The following CSMD1 variants were observed in gnomAD, a reference collection of about 807,000 sequenced individuals.
CSMD1 encodes CUB and sushi domain-containing protein 1.
Under a neutral mutation model 417.5 loss-of-function variants are expected in CSMD1, and 213 were observed. The ratio of observed to expected loss-of-function variants is 0.51; its 90% CI spans 0.46 to 0.57. The LOEUF is 0.57. Ranked by LOEUF, CSMD1 falls within the 20% of genes least tolerant of loss-of-function variation. CSMD1 has a pLI of 0.00. For synonymous variants in CSMD1, 2,862 were observed against 1,736.8 expected (o/e 1.65, Z -16.11); for missense variants, 6,923 against 4,529.7 (o/e 1.53, Z -15.17).
intron 3 of CSMD1, among the ~76,000 whole-genome samples, chr8:4,356,028 GT>G (rs1801410011): frequency 6.6e-6 from 1 of 152,158 alleles, no homozygotes; most frequent in South Asian, 2.1e-4. Context: ...AGTTACTGGT[GT>G]TTGGGAGATC....
At chr8:4,852,419 G>A (rs1801532490) in intron 1 of CSMD1, among the ~76,000 whole-genome samples, 1 of 152,100 alleles carries the variant, frequency 6.6e-6, no homozygotes, top group African/African-American at 2.4e-5. Flanking sequence ...GCTATGTGAT[G>A]CACTGTCTGC....
intron 2 of CSMD1, among the ~76,000 whole-genome samples, chr8:4,564,405 C>A (rs1329095230): frequency 6.6e-6 from 1 of 152,074 alleles, no homozygotes; most frequent in African/African-American, 2.4e-5. Context: ...GCTCACTGTT[C>A]TGGACAGTGG....
intron 23 of CSMD1, among the ~76,000 whole-genome samples, chr8:3,319,862 T>C (rs1418727630): frequency 6.6e-6 from 1 of 152,236 alleles, no homozygotes; most frequent in African/African-American, 2.4e-5. Flanking sequence ...TATATTTATA[T>C]TTATTTGCTC....
intron 36 of CSMD1, among the ~76,000 whole-genome samples, chr8:3,181,840 A>G (rs259861): frequency 1 from 151,993 of 152,322 alleles, 75,833 homozygotes; most frequent in Middle Eastern, 1. Flanking sequence ...GGCAATACAG[A>G]TACCGAGGAC....
intron 37 of CSMD1, among the ~76,000 whole-genome samples, chr8:3,165,585 C>G (rs1462910970): frequency 6.6e-6 from 1 of 151,980 alleles, no homozygotes; most frequent in African/African-American, 2.4e-5. Context: ...GTGCCCGCCA[C>G]CACGCCCGGC....
At chr8:3,847,886 C>G (rs1803618070) in intron 5 of CSMD1, among the ~76,000 whole-genome samples, 1 of 152,146 alleles carries the variant, frequency 6.6e-6, no homozygotes, top group African/African-American at 2.4e-5. Context: ...TCTGACTTTT[C>G]AACTCTATCC....
chr8:4,881,766 T>G (rs1252289130), intron 1 of CSMD1, among the ~76,000 whole-genome samples: 3 of 152,042 alleles, frequency 2.0e-5, no homozygotes, highest in Non-Finnish European at 4.4e-5. Flanking sequence ...ACTGTTGACA[T>G]TGTACAGCAT....
At chr8:4,351,331 A>G (rs577355938) in intron 3 of CSMD1, among the ~76,000 whole-genome samples, 3 of 152,216 alleles carry the variant, frequency 2.0e-5, no homozygotes, top group South Asian at 4.1e-4. Flanking sequence ...GCTATATAAA[A>G]ACATTCAATG....
intron 3 of CSMD1, among the ~76,000 whole-genome samples, chr8:4,415,638 C>G (rs1026275841): frequency 2.0e-5 from 3 of 152,160 alleles, no homozygotes; most frequent in African/African-American, 4.8e-5. Flanking sequence ...TTCATTTCAT[C>G]TTTGTATTCC....
At chr8:3,660,711 G>A (rs138345761) in intron 7 of CSMD1, among the ~76,000 whole-genome samples, 2 of 143,238 alleles carry the variant, frequency 1.4e-5, no homozygotes, top group Non-Finnish European at 3.1e-5. Flanking sequence ...AGTAGAGACA[G>A]GGTTTCACCA....
chr8:3,589,364 G>A (rs1419748737), intron 8 of CSMD1, among the ~76,000 whole-genome samples: 2 of 141,390 alleles, frequency 1.4e-5, no homozygotes, highest in Non-Finnish European at 3.0e-5. Context: ...ACTGAGAAAT[G>A]GATAAAGAAA....
At position 3,182,844 on chromosome 8, in the gene CSMD1, GT is replaced by G. The variant is rs1563119660; in HGVS notation, c.5621-1631del. 215 of 66,428 alleles carry G rather than the reference GT, an allele frequency of 3.2e-3. 27 individuals carry two copies. The highest frequency in any genetic ancestry group is 4.6e-3 in the South Asian group (7 of 1,518). 4.1% of individuals were successfully genotyped at this position (66,428 alleles called of 1,614,324 possible). A position where few individuals can be genotyped will look rare whatever the true frequency, so the allele number is the denominator to read the frequency against. ...TCTGGCTGTCTCTTTATAAGAAGGT[GT>G]GTGTGTGTGTGTGTGTGTGTGTGTG... is the stretch of plus-strand genomic sequence containing the variant. On this transcript the variant is annotated intron_variant, in intron 36 of 69. Coordinates refer to ENST00000635120, the MANE Select transcript of CSMD1 (RefSeq NM_033225.6).
chr8:4,886,588 T>C (rs1803755241), intron 1 of CSMD1, among the ~76,000 whole-genome samples: 1 of 151,950 alleles, frequency 6.6e-6, no homozygotes, highest in South Asian at 2.1e-4. Flanking sequence ...TCTTCTTTAA[T>C]TGTTTCATAT....
intron 17 of CSMD1, among the ~76,000 whole-genome samples, chr8:3,394,059 A>ATAT (rs1811541601): frequency 4.3e-5 from 5 of 115,980 alleles, no homozygotes; most frequent in African/African-American, 5.8e-5. Flanking sequence ...TATATATAGA[A>ATAT]AAAAAGAAAA....
At chr8:4,083,919 A>T (rs1394886791) in intron 3 of CSMD1, among the ~76,000 whole-genome samples, 2 of 152,210 alleles carry the variant, frequency 1.3e-5, no homozygotes, top group East Asian at 3.8e-4. Flanking sequence ...ACAAAATGAG[A>T]GAAAACTTTC....
At chr8:3,465,424 C>A (rs931524509) in intron 12 of CSMD1, among the ~76,000 whole-genome samples, 1 of 152,134 alleles carries the variant, frequency 6.6e-6, no homozygotes, top group African/African-American at 2.4e-5. Flanking sequence ...ATGGAGGCCA[C>A]AGGTGGGTAG....
At chr8:3,461,487 C>A (rs77822102) in intron 12 of CSMD1, among the ~76,000 whole-genome samples, 39 of 152,288 alleles carry the variant, frequency 2.6e-4, no homozygotes, top group Admixed American at 7.2e-4. Flanking sequence ...GCTGTCTCAC[C>A]TCCACCCCAG....
At chr8:4,508,711 T>C (rs971675948) in intron 2 of CSMD1, among the ~76,000 whole-genome samples, 6 of 152,176 alleles carry the variant, frequency 3.9e-5, no homozygotes, top group African/African-American at 7.2e-5. Flanking sequence ...CATTTTTAGC[T>C]GCTTCAAAGG....
At chr8:3,948,968 T>A (rs973319630) in intron 5 of CSMD1, among the ~76,000 whole-genome samples, 1 of 152,152 alleles carries the variant, frequency 6.6e-6, no homozygotes, top group Admixed American at 6.6e-5. Flanking sequence ...AAAATATTTA[T>A]CACCAGGGTA....
Sources: allele counts gnomAD v4.1 joint callset (sites outside exome capture counted in the v4.1 genomes callset), GRCh38; gene constraint gnomAD v4.1.1; transcripts MANE v1.5; gene names NCBI Gene and HGNC (gene_info 2026-07-23, HGNC 2026-07-21).